Variants in ACTR5 observed in about 807,000 individuals in gnomAD.
ACTR5 encodes actin-related protein 5.
In ACTR5, 43 loss-of-function variants were observed where a neutral mutation model predicts 61.2. The ratio of observed to expected loss-of-function variants is 0.70; its 90% CI spans 0.55 to 0.91. ACTR5 has a LOEUF of 0.91. ACTR5 is among the 40% of genes least tolerant of loss of function. The pLI is 0.00. For synonymous variants in ACTR5, 333 were observed against 310.5 expected (o/e 1.07, Z -0.76); for missense variants, 798 against 782.2 (o/e 1.02, Z -0.24).
intron 3 of ACTR5, among the ~76,000 whole-genome samples, chr20:38,752,943 A>G (rs761971261): frequency 3.3e-5 from 5 of 152,160 alleles, no homozygotes; most frequent in Non-Finnish European, 7.3e-5. Flanking sequence ...TGTGAAAACC[A>G]TATAACATAA....
At chr20:38,749,004 G>A in intron 1 of ACTR5, 151 bp downstream of exon 1, 1 of 997,398 alleles carries the variant, frequency 1.0e-6, no homozygotes, top group South Asian at 1.7e-5. Context: ...GGGTGTAGCA[G>A]CGAATAAAAT....
chr20:38,759,114 G>C (rs6027817), intron 5 of ACTR5, among the ~76,000 whole-genome samples: 6 of 152,170 alleles, frequency 3.9e-5, no homozygotes, highest in South Asian at 2.1e-4. Flanking sequence ...AGGGTAGGAG[G>C]GGGGAGAACA....
At chr20:38,760,174 A>T (rs139177532) in intron 5 of ACTR5, among the ~76,000 whole-genome samples, 73 of 151,842 alleles carry the variant, frequency 4.8e-4, no homozygotes, top group African/African-American at 1.7e-3. Context: ...AAGAAAAGGA[A>T]GATTATTTGA....
At chr20:38,758,019 G>T (rs1172409358) in intron 5 of ACTR5, among the ~76,000 whole-genome samples, 1 of 151,790 alleles carries the variant, frequency 6.6e-6, no homozygotes, top group Non-Finnish European at 1.5e-5. Flanking sequence ...TATCATGCTT[G>T]ACATGTTAGC....
chr20:38,764,814 T>C (rs1423306177), intron 5 of ACTR5, among the ~76,000 whole-genome samples: 1 of 152,122 alleles, frequency 6.6e-6, no homozygotes, highest in Non-Finnish European at 1.5e-5. Flanking sequence ...GGGCTGTAGG[T>C]GCTCACCACC....
intron 8 of ACTR5, among the ~76,000 whole-genome samples, chr20:38,768,423 A>G (rs1316299801): frequency 6.6e-6 from 1 of 152,182 alleles, no homozygotes; most frequent in Non-Finnish European, 1.5e-5. Context: ...AACTCAGCAG[A>G]GAGACAAGGT....
chr20:38,763,254 A>C (rs1484255737), intron 5 of ACTR5, among the ~76,000 whole-genome samples: 1 of 152,214 alleles, frequency 6.6e-6, no homozygotes, highest in African/African-American at 2.4e-5. Context: ...CCTCCCCTGG[A>C]ACCCCTTTGG....
At chr20:38,765,898 C>A (rs2084483521) in intron 6 of ACTR5, among the ~76,000 whole-genome samples, 1 of 152,224 alleles carries the variant, frequency 6.6e-6, no homozygotes, top group South Asian at 2.1e-4. Flanking sequence ...CTGAGACCCA[C>A]CTGGGAGAGA....
In ACTR5 at chr20:38,771,749, C is replaced by G. The variant is rs148230295; in HGVS notation, c.1757C>G (p.Ser586Cys). Residue 586 changes from serine (S) to cysteine (C), a missense_variant, in exon 9 of 9, where the codon TCC becomes TGC. Ser to Cys is a moderately radical substitution (Grantham distance 112). Coordinates refer to ENST00000243903, the MANE Select transcript of ACTR5 (RefSeq NM_024855.4). ...PIRLPKQASR[S>C]SDAQASSKGS... ...CGCCTGCCGAAGCAGGCCTCCCGCT[C>G]CTCAGATGCCCAGGCATCCAGCAAG... 1.2e-6 allele frequency: 2 copies of G among 1,614,116 alleles called. No homozygotes were observed. Among genetic ancestry groups the G allele is most frequent in the Non-Finnish European group, 1.7e-6 (2 of 1,180,022 alleles).
Position 38,752,257 on chromosome 20 carries a change from G to A in ACTR5, c.732G>A (p.Glu244=), listed in dbSNP as rs1201845483. Residue 244 remains glutamate (E), a synonymous_variant, in exon 3 of 9, where the codon GAG becomes GAA. Coordinates refer to ENST00000243903, the MANE Select transcript of ACTR5 (RefSeq NM_024855.4). Reference sequence around the variant, plus strand: ...CCATCACCCTCAGCCGCATGGAGGAGATTCTGCATGAGCACAGCTACATCG... The same window carrying A: ...CCATCACCCTCAGCCGCATGGAGGAAATTCTGCATGAGCACAGCTACATCG... ...LAAITLSRME[E]ILHEHSYIAE... 1.2e-6 allele frequency: 2 copies of A among 1,613,856 alleles called. No homozygotes were observed. Among genetic ancestry groups the A allele is most frequent in the Admixed American group, 1.7e-5 (1 of 60,018 alleles).
Position 38,771,697 on chromosome 20 carries a change from T to C in ACTR5, c.1705T>C (p.Cys569Arg), listed in dbSNP as rs746890047. 3 of 1,614,188 alleles carry C rather than the reference T, an allele frequency of 1.9e-6. No homozygotes were observed. The East Asian group carries it at 6.7e-5, about 36-fold the overall frequency. ...EKGGEYLKEH[C>R]ASNIYVPIRL... Reference sequence around the variant, plus strand: ...GGGAGGAGAGTACCTCAAGGAGCACTGTGCTTCCAACATCTATGTCCCCAT... The same window carrying C: ...GGGAGGAGAGTACCTCAAGGAGCACCGTGCTTCCAACATCTATGTCCCCAT... Residue 569 changes from cysteine to arginine, a missense_variant, in exon 9 of 9, where the codon TGT becomes CGT. Cys to Arg is a radical substitution (Grantham distance 180). Transcript: ENST00000243903.
intron 7 of ACTR5, 111 bp from the exon 8 acceptor site, chr20:38,767,353 C>G (rs878966993): frequency 3.1e-5 from 26 of 847,044 alleles, no homozygotes; most frequent in South Asian, 1.3e-4. Flanking sequence ...TTTTTTTTAG[C>G]TTTTTGTGTA....
intron 3 of ACTR5, among the ~76,000 whole-genome samples, chr20:38,754,388 G>C (rs1033404594): frequency 6.6e-6 from 1 of 152,042 alleles, no homozygotes; most frequent in African/African-American, 2.4e-5. Context: ...TTCTCCATCT[G>C]ACCTATGTCT....
intron 6 of ACTR5, among the ~76,000 whole-genome samples, 190 bp from the exon 7 acceptor site, chr20:38,766,048 A>G (rs890691052): frequency 1.3e-5 from 2 of 152,178 alleles, no homozygotes; most frequent in East Asian, 1.9e-4. Flanking sequence ...AAACATGTAC[A>G]TGTTTATAAT....
chr20:38,764,842 G>C (rs2084475869), intron 5 of ACTR5, among the ~76,000 whole-genome samples: 1 of 152,164 alleles, frequency 6.6e-6, no homozygotes, highest in Admixed American at 6.5e-5. Flanking sequence ...GCTAATGTTT[G>C]TATTTTTTGT....
At chr20:38,768,479 C>T (rs1429537621) in intron 8 of ACTR5, among the ~76,000 whole-genome samples, 1 of 152,150 alleles carries the variant, frequency 6.6e-6, no homozygotes, top group Non-Finnish European at 1.5e-5. Context: ...CATCCGAGGC[C>T]TCTCCCTGTG....
At chr20:38,749,052 T>TCCAAGC (rs2084370502) in intron 1 of ACTR5, among the ~76,000 whole-genome samples, 199 bp downstream of exon 1, 1 of 152,226 alleles carries the variant, frequency 6.6e-6, no homozygotes, top group Non-Finnish European at 1.5e-5. Context: ...TTTGGGCATA[T>TCCAAGC]ATGCTTGTTT....
At chr20:38,751,876 C>T (rs537907648) in intron 2 of ACTR5, among the ~76,000 whole-genome samples, 2 of 152,096 alleles carry the variant, frequency 1.3e-5, no homozygotes, top group African/African-American at 4.8e-5. Context: ...AAATATATGA[C>T]GAGACTCATT....
Position 38,771,731 on chromosome 20 carries a change from C to A in ACTR5, c.1739C>A (p.Pro580Gln), listed in dbSNP as rs3752289. 1 of 1,614,176 alleles carries A rather than the reference C, an allele frequency of 6.2e-7. No homozygotes were observed. Among genetic ancestry groups the A allele is most frequent in the East Asian group, 2.2e-5 (1 of 44,880 alleles). ...ASNIYVPIRL[P>Q]KQASRSSDAQ... ...AACATCTATGTCCCCATCCGCCTGCCGAAGCAGGCCTCCCGCTCCTCAGAT... is the reference window on the plus strand; with the variant it reads ...AACATCTATGTCCCCATCCGCCTGCAGAAGCAGGCCTCCCGCTCCTCAGAT... The change falls in exon 9 of 9, where the codon CCG becomes CAG. Residue 580 changes from proline to glutamine, a missense_variant. Pro to Gln is a moderately conservative substitution (Grantham distance 76). Coordinates refer to ENST00000243903, the MANE Select transcript of ACTR5 (RefSeq NM_024855.4).
Sources: allele counts gnomAD v4.1 joint callset (sites outside exome capture counted in the v4.1 genomes callset), GRCh38; gene constraint gnomAD v4.1.1; transcripts MANE v1.5; gene names NCBI Gene and HGNC (gene_info 2026-07-23, HGNC 2026-07-21).